PDP2: variants seen among roughly 807,000 people sequenced by gnomAD.
The protein encoded by PDP2 is pyruvate dehydrogenase phosphatase catalytic subunit 2, also known as [Pyruvate dehydrogenase [acetyl-transferring]]-phosphatase 2, mitochondrial.
In PDP2, 23 loss-of-function variants were observed where a neutral mutation model predicts 34.2. The observed-to-expected ratio is 0.67, with a 90% CI of 0.48 to 0.95. The LOEUF (loss-of-function observed/expected upper bound fraction) is 0.95. Among genes scored for constraint, PDP2 ranks in the 40% least tolerant of loss-of-function variants. The pLI, the probability that PDP2 is intolerant of heterozygous loss-of-function variation, is 0.00. For missense variants in PDP2, 571 were observed against 659.6 expected, an observed-to-expected ratio of 0.87 and a Z score of 1.47; for synonymous variants, 275 against 269.2, an observed-to-expected ratio of 1.02 and a Z score of -0.21.
rs1237321231 is a variant in PDP2, at chr16:66,886,583, C to T, written c.*709C>T. The stretch of plus-strand genomic sequence containing the variant: ...TATGCCTCTGGACCAGCTGAACTTA[C>T]TGGTGCAGCTTTTTGTGCCCTCTAC... On this transcript the variant is annotated 3_prime_UTR_variant, in exon 2 of 2. Coordinates refer to ENST00000311765, the MANE Select transcript of PDP2 (RefSeq NM_020786.4). 4.3e-6 allele frequency: 2 copies of T among 466,752 alleles called. No individual in the cohort carries two copies. The highest frequency in any genetic ancestry group is 4.0e-5 in the African/African-American group (2 of 49,946). 28.9% of individuals were successfully genotyped at this position (466,752 alleles called of 1,614,324 possible). A position where few individuals can be genotyped will look rare whatever the true frequency, so the allele number is the denominator to read the frequency against.
At position 66,886,235 on chromosome 16, in the gene PDP2, G is replaced by A. The variant is rs193235873; in HGVS notation, c.*361G>A. The A allele has an allele frequency of 4.3e-3, 1,115 of 261,552 alleles. 2 individuals are homozygous for A. The highest frequency in any genetic ancestry group is 5.9e-3 in the Non-Finnish European group (733 of 123,388). 16.2% of individuals were successfully genotyped at this position (261,552 alleles called of 1,614,324 possible). A position where few individuals can be genotyped will look rare whatever the true frequency, so the allele number is the denominator to read the frequency against. Reference sequence around the variant, plus strand: ...ATTCTGAGAATAAAGAACTTCAGGAGCTTCTTAGGTCTTGCCACAAAAATC... The same window carrying A: ...ATTCTGAGAATAAAGAACTTCAGGAACTTCTTAGGTCTTGCCACAAAAATC... On this transcript the variant is annotated 3_prime_UTR_variant, in exon 2 of 2. Transcript: ENST00000311765.
In PDP2 at chr16:66,886,531, T is replaced by C. The variant is rs1169935644; in HGVS notation, c.*657T>C. The C allele has an allele frequency of 2.1e-6, 1 of 469,274 alleles. No individual in the cohort carries two copies. The highest frequency in any genetic ancestry group is 2.4e-5 in the Admixed American group (1 of 42,536). 29.1% of individuals were successfully genotyped at this position (469,274 alleles called of 1,614,324 possible). A position where few individuals can be genotyped will look rare whatever the true frequency, so the allele number is the denominator to read the frequency against. On this transcript the variant is annotated 3_prime_UTR_variant, in exon 2 of 2. Coordinates refer to ENST00000311765, the MANE Select transcript of PDP2 (RefSeq NM_020786.4). ...CTACTGTAAGCATGCTTGGAATGACTTGTTTTGGTTTTCAGCTGATAGGAT... is the reference window on the plus strand; with the variant it reads ...CTACTGTAAGCATGCTTGGAATGACCTGTTTTGGTTTTCAGCTGATAGGAT...
chr16:66,885,565 G>C lies in PDP2; in HGVS notation c.1281G>C (p.Val427=), dbSNP rs367888427. 119 of 1,614,130 alleles carry C rather than the reference G, an allele frequency of 7.4e-5. No homozygotes were observed. Among genetic ancestry groups the C allele is most frequent in the South Asian group, 3.1e-4 (28 of 91,076 alleles). The change falls in exon 2 of 2, where the codon GTG becomes GTC. Residue 427 remains valine, a synonymous_variant. Coordinates refer to ENST00000311765, the MANE Select transcript of PDP2 (RefSeq NM_020786.4). The surrounding 1 kb of genome is among the most constrained non-coding windows in gnomAD (Gnocchi z 4.6). The stretch of plus-strand genomic sequence containing the variant: ...GCAATGAGGACGTGGTAAGGCTGGT[G>C]GTGGGGCACCTGGCTGAGGCAGATT... ...MLSNEDVVRL[V]VGHLAEADWH...
rs899880047 is a variant in PDP2, at chr16:66,880,634, C to G, written c.-61C>G. ...GACGGAGCGGGCGGCTGTGGCCTCGCCAGCTGGTGAGAAGCGGGCGAGGGT... is the reference window on the plus strand; with the variant it reads ...GACGGAGCGGGCGGCTGTGGCCTCGGCAGCTGGTGAGAAGCGGGCGAGGGT... On this transcript the variant is annotated 5_prime_UTR_variant, in exon 1 of 2. Transcript: ENST00000311765. 1.3e-5 allele frequency: 2 copies of G among 152,480 alleles called. No homozygotes were observed. Among genetic ancestry groups the G allele is most frequent in the Non-Finnish European group, 2.9e-5 (2 of 68,306 alleles). 9.4% of individuals were successfully genotyped at this position (152,480 alleles called of 1,614,324 possible).
intron 1 of PDP2, among the ~76,000 whole-genome samples, chr16:66,882,414 G>C (rs933660726): frequency 6.6e-6 from 1 of 151,332 alleles, no homozygotes; most frequent in African/African-American, 2.4e-5. Context: ...CTAGCCTGGG[G>C]ACAGAGCCAG....
chr16:66,887,174 G>A lies in PDP2; in HGVS notation c.*1300G>A, dbSNP rs1961798587. 1 of 167,126 alleles carries A rather than the reference G, an allele frequency of 6.0e-6. No individual in the cohort carries two copies. 10.4% of individuals were successfully genotyped at this position (167,126 alleles called of 1,614,324 possible). On this transcript the variant is annotated 3_prime_UTR_variant, in exon 2 of 2. Transcript: ENST00000311765. ...GAATTAGACCATATTTAGTATAGGAGTTGGGGCAAAAATAAAAGTGTAATT... is the reference window on the plus strand; with the variant it reads ...GAATTAGACCATATTTAGTATAGGAATTGGGGCAAAAATAAAAGTGTAATT...
At position 66,888,785 on chromosome 16, in the gene PDP2, T is replaced by C. The variant is rs1961889888; in HGVS notation, c.*2911T>C. ...CTGAATCTTACTTTGGAGCCTAGCA[T>C]GGGTCATAAATATATCTGATTCATT... is the stretch of plus-strand genomic sequence containing the variant. On this transcript the variant is annotated 3_prime_UTR_variant, in exon 2 of 2. Transcript: ENST00000311765. 2.0e-5 allele frequency: 3 copies of C among 152,330 alleles called. No individual in the cohort carries two copies. In the East Asian group the frequency reaches 5.8e-4, roughly 29 times the overall value. 9.4% of individuals were successfully genotyped at this position (152,330 alleles called of 1,614,324 possible).
Position 66,885,318 on chromosome 16 carries a change from G to T in PDP2, c.1034G>T (p.Cys345Phe). 8 of 1,614,064 alleles carry T rather than the reference G, an allele frequency of 5.0e-6. No individual in the cohort carries two copies. The highest frequency in any genetic ancestry group is 1.6e-4 in the Middle Eastern group (1 of 6,062). ...AGGCTACTGGGCGTCCTCATCCCCT[G>T]CAGGGCCTTTGGGGATGTTCAGCTG... Reference protein sequence around the residue: ...EDRLLGVLIPCRAFGDVQLKW... With the variant: ...EDRLLGVLIPFRAFGDVQLKW... The change falls in exon 2 of 2, where the codon TGC (cysteine) becomes TTC (phenylalanine). Residue 345 changes from cysteine to phenylalanine, a missense_variant. This residue lies in a region of PDP2 where 281 missense variants were observed against 375.8 expected (regional missense o/e 0.75). Transcript: ENST00000311765. This position sits in a 1 kb window ranked among gnomAD's most constrained non-coding sequence, Gnocchi z 4.6.
At position 66,885,458 on chromosome 16, in the gene PDP2, G is replaced by T. The variant is rs1180687811; in HGVS notation, c.1174G>T (p.Glu392Ter). ...HYYTPPYLTA[E>*]PEVTYHRLRP... ...CTACACTCCACCCTACCTGACTGCT[G>T]AGCCTGAGGTCACATACCACAGGCT... The change falls in exon 2 of 2, where the codon GAG becomes TAG. Residue 392 changes from glutamate (E) to a stop codon, truncating the protein, a stop_gained. Coordinates refer to ENST00000311765, the MANE Select transcript of PDP2 (RefSeq NM_020786.4). LOFTEE classifies it high-confidence loss of function. This position sits in a 1 kb window ranked among gnomAD's most constrained non-coding sequence, Gnocchi z 4.6. The T allele has an allele frequency of 6.2e-7, 1 of 1,613,892 alleles. No homozygotes were observed.
chr16:66,886,446 C>G lies in PDP2; in HGVS notation c.*572C>G. On this transcript the variant is annotated 3_prime_UTR_variant, in exon 2 of 2. Transcript: ENST00000311765. ...TATGCTTGTGAGAAATTTTGTAATA[C>G]TACATTCTAGTTCTGTTTTCGTTTA... 1 of 405,566 alleles carries G rather than the reference C, an allele frequency of 2.5e-6. No homozygotes were observed. Among genetic ancestry groups the G allele is most frequent in the South Asian group, 1.8e-5 (1 of 56,204 alleles). 25.1% of individuals were successfully genotyped at this position (405,566 alleles called of 1,614,324 possible).
At position 66,888,123 on chromosome 16, in the gene PDP2, A is replaced by G. The variant is rs1298756517; in HGVS notation, c.*2249A>G. 6.7e-6 allele frequency: 1 copy of G among 148,876 alleles called. No homozygotes were observed. The allele number at this position is 148,876 out of a possible 1,614,324, so 9.2% of individuals were successfully genotyped here. ...TCTCCCTGTAGCCAGGCTGGAGTGC[A>G]ATGGCATGATCTTGGCTCACTGCAA... On this transcript the variant is annotated 3_prime_UTR_variant, in exon 2 of 2. Transcript: ENST00000311765.
intron 1 of PDP2, among the ~76,000 whole-genome samples, chr16:66,883,411 C>T (rs1348095100): frequency 6.6e-6 from 1 of 151,970 alleles, no homozygotes; most frequent in Non-Finnish European, 1.5e-5. Context: ...GGATTACAGG[C>T]GTGAGCCACC....
chr16:66,881,427 T>TAA (rs1961510538), intron 1 of PDP2, among the ~76,000 whole-genome samples: 1 of 141,310 alleles, frequency 7.1e-6, no homozygotes, highest in African/African-American at 2.8e-5. Context: ...TGTTTTTTTT[T>TAA]TTTTAATTTA....
Position 66,885,756 on chromosome 16 carries a change from G to A in PDP2, c.1472G>A (p.Arg491Gln), listed in dbSNP as rs747356692. The change falls in exon 2 of 2, where the codon CGG becomes CAG. Residue 491 changes from arginine (R) to glutamine (Q), a missense_variant. Arg to Gln is a conservative substitution (Grantham distance 43). Transcript: ENST00000311765. The surrounding 1 kb of genome is among the most constrained non-coding windows in gnomAD (Gnocchi z 4.6). ...NNEYGEMEAE[R>Q]LAAMLTLPED... The stretch of plus-strand genomic sequence containing the variant: ...GAGTATGGGGAGATGGAGGCAGAGC[G>A]GCTGGCGGCGATGCTGACATTGCCA... 10 of 1,613,368 alleles carry A rather than the reference G, an allele frequency of 6.2e-6. No individual in the cohort carries two copies. The East Asian group carries it at 8.9e-5, about 14-fold the overall frequency.
At chr16:66,882,589 T>C (rs1000481657) in intron 1 of PDP2, among the ~76,000 whole-genome samples, 4 of 152,036 alleles carry the variant, frequency 2.6e-5, no homozygotes, top group Admixed American at 2.6e-4. Flanking sequence ...AGACTAATAT[T>C]CCCATTCCAC....
At position 66,884,605 on chromosome 16, in the gene PDP2, G is replaced by A. The variant is rs1961661233; in HGVS notation, c.321G>A (p.Leu107=). The change falls in exon 2 of 2, where the codon TTG becomes TTA. Residue 107 remains leucine (L), a synonymous_variant. Coordinates refer to ENST00000311765, the MANE Select transcript of PDP2 (RefSeq NM_020786.4). ...AAAGCAGAGTCCCAAATTCAGTGTT[G>A]CGGTTTGAGAGCAACCAGCTGGCTG... is the stretch of plus-strand genomic sequence containing the variant. ...DLESRVPNSV[L]RFESNQLAAN... 1.2e-6 allele frequency: 2 copies of A among 1,614,236 alleles called. No homozygotes were observed. Among genetic ancestry groups the A allele is most frequent in the Middle Eastern group, 1.6e-4 (1 of 6,062 alleles).
At chr16:66,884,130 C>T (rs1464460256) in intron 1 of PDP2, 101 bp from the exon 2 acceptor site, 2 of 598,622 alleles carry the variant, frequency 3.3e-6, no homozygotes, top group Non-Finnish European at 5.4e-6. Flanking sequence ...GCAGAGATCA[C>T]ACCACTGCAC....
chr16:66,885,420 C>T lies in PDP2; in HGVS notation c.1136C>T (p.Thr379Ile). ...NTEALNIYQFTPPHYYTPPYL... is the reference protein window; with the variant it reads ...NTEALNIYQFIPPHYYTPPYL... ...GAGGCCCTCAACATTTACCAGTTCA[C>T]ACCCCCACACTACTACACTCCACCC... The change falls in exon 2 of 2, where the codon ACA (threonine) becomes ATA (isoleucine). Residue 379 changes from threonine to isoleucine, a missense_variant. By Grantham distance (89) the Thr-to-Ile change is moderately conservative. Around this residue, in one of 2 missense-constraint regions of PDP2, gnomAD observed 281 missense variants for 375.8 expected, o/e 0.75. Coordinates refer to ENST00000311765, the MANE Select transcript of PDP2 (RefSeq NM_020786.4). This position sits in a 1 kb window ranked among gnomAD's most constrained non-coding sequence, Gnocchi z 4.6. The T allele has an allele frequency of 2.5e-6, 4 of 1,613,878 alleles. No individual in the cohort carries two copies. Among genetic ancestry groups the T allele is most frequent in the South Asian group, 1.1e-5 (1 of 91,086 alleles).
chr16:66,882,392 T>C (rs1961559976), intron 1 of PDP2, among the ~76,000 whole-genome samples: 1 of 151,828 alleles, frequency 6.6e-6, no homozygotes, highest in Non-Finnish European at 1.5e-5. Flanking sequence ...GCCACGATCT[T>C]ACCATTGCAC....
Sources: allele counts gnomAD v4.1 joint callset (sites outside exome capture counted in the v4.1 genomes callset), GRCh38; gene constraint gnomAD v4.1.1; regional missense constraint gnomAD v4.1.1; non-coding constraint Gnocchi (gnomAD v3.1); transcripts MANE v1.5; gene names NCBI Gene and HGNC (gene_info 2026-07-23, HGNC 2026-07-21).